Variants in ENOX2 observed in about 807,000 individuals in gnomAD.
ENOX2 encodes APK1 antigen.
In ENOX2, 36 loss-of-function variants were observed where a neutral mutation model predicts 45.0. That is an observed-to-expected ratio of 0.80 (90% CI 0.61 to 1.06). The LOEUF (loss-of-function observed/expected upper bound fraction) is 1.06. Ranked by LOEUF, ENOX2 falls within the 50% of genes least tolerant of loss-of-function variation. The pLI is 0.00. For missense variants in ENOX2, 423 were observed against 462.5 expected (o/e 0.91, Z 0.78); for synonymous variants, 174 against 152.3 (o/e 1.14, Z -1.05).
intron 11 of ENOX2, among the ~76,000 whole-genome samples, chrX:130,635,368 G>C (rs752794440): frequency 1.8e-5 from 2 of 111,948 alleles, no homozygotes; most frequent in African/African-American, 3.2e-5. Context: ...CTGGCCAGGG[G>C]TCAGAGTAGG....
At chrX:130,870,029 T>C (rs918180711) in intron 2 of ENOX2, among the ~76,000 whole-genome samples, 3 of 111,331 alleles carry the variant, frequency 2.7e-5, no homozygotes, top group African/African-American at 9.8e-5. Flanking sequence ...GTTCTTGCTC[T>C]CCCTTCCTAT....
intron 3 of ENOX2, among the ~76,000 whole-genome samples, chrX:130,719,460 GAAAAAA>G (rs1218133442): frequency 5.0e-3 from 299 of 59,827 alleles, no homozygotes; most frequent in Non-Finnish European, 7.4e-3. Flanking sequence ...CTGCTGCTAA[GAAAAAA>G]AAAAAAAAAA....
intron 3 of ENOX2, among the ~76,000 whole-genome samples, chrX:130,773,046 C>T (rs1603345409): frequency 8.9e-6 from 1 of 112,499 alleles, no homozygotes; most frequent in East Asian, 2.8e-4. Flanking sequence ...CTTTACTAGA[C>T]TGTTAGCATC....
At chrX:130,757,160 T>C (rs2148345271) in intron 3 of ENOX2, among the ~76,000 whole-genome samples, 1 of 111,997 alleles carries the variant, frequency 8.9e-6, no homozygotes, top group East Asian at 2.8e-4. Flanking sequence ...TGGCAACATA[T>C]ATTTATCACT....
intron 12 of ENOX2, among the ~76,000 whole-genome samples, chrX:130,633,268 C>T (rs759034761): frequency 5.4e-5 from 6 of 111,681 alleles, no homozygotes; most frequent in Non-Finnish European, 9.4e-5. Context: ...AAAGAGATCC[C>T]TCCTCACCAA....
intron 2 of ENOX2, among the ~76,000 whole-genome samples, chrX:130,832,290 C>T (rs1007961747): frequency 9.0e-6 from 1 of 110,584 alleles, no homozygotes; most frequent in Admixed American, 9.8e-5. Flanking sequence ...GAGCTTACAG[C>T]ACTCCCATCA....
At chrX:130,862,598 G>A (rs1196466605) in intron 2 of ENOX2, among the ~76,000 whole-genome samples, 2 of 110,385 alleles carry the variant, frequency 1.8e-5, no homozygotes, top group East Asian at 2.8e-4. Context: ...GTGTATGTGG[G>A]TGGGTGTGTA....
chrX:130,712,946 A>G (rs2038231500), intron 3 of ENOX2, among the ~76,000 whole-genome samples: 1 of 112,212 alleles, frequency 8.9e-6, no homozygotes, highest in Admixed American at 9.4e-5. Context: ...AGATACTTCC[A>G]CCACTAACAG....
intron 3 of ENOX2, among the ~76,000 whole-genome samples, chrX:130,715,206 A>C (rs958579543): frequency 6.3e-5 from 7 of 111,528 alleles, no homozygotes; most frequent in Non-Finnish European, 1.1e-4. Context: ...CATTAACTAC[A>C]TGGCCATGGT....
At chrX:130,707,507 T>TACACAC (rs10536173) in intron 3 of ENOX2, among the ~76,000 whole-genome samples, 69 of 97,397 alleles carry the variant, frequency 7.1e-4, no homozygotes, top group East Asian at 2.3e-3. Flanking sequence ...TTTTGAAGAC[T>TACACAC]ACACACACAC....
chrX:130,840,713 A>T (rs2148501823), intron 2 of ENOX2, among the ~76,000 whole-genome samples: 1 of 110,287 alleles, frequency 9.1e-6, no homozygotes, highest in East Asian at 2.8e-4. Context: ...AAAAAAATAC[A>T]AAAATTAGTC....
chrX:130,791,771 G>A (rs2077046569), intron 2 of ENOX2, among the ~76,000 whole-genome samples: 1 of 111,276 alleles, frequency 9.0e-6, no homozygotes, highest in African/African-American at 3.3e-5. Context: ...TGAAGCCTGG[G>A]GAGTGATGGT....
intron 3 of ENOX2, among the ~76,000 whole-genome samples, chrX:130,712,169 T>C (rs1012235744): frequency 1.1e-4 from 12 of 111,922 alleles, no homozygotes; most frequent in African/African-American, 3.2e-4. Flanking sequence ...ATAATGATAA[T>C]GATGTTGATT....
chrX:130,797,993 A>G (rs2077161712), intron 2 of ENOX2, among the ~76,000 whole-genome samples: 1 of 111,103 alleles, frequency 9.0e-6, no homozygotes. Flanking sequence ...CTGGCTACAT[A>G]TTAAATTCAA....
intron 2 of ENOX2, among the ~76,000 whole-genome samples, chrX:130,861,090 T>C (rs183725944): frequency 3.0e-4 from 34 of 111,639 alleles, no homozygotes; most frequent in African/African-American, 1.1e-3. Context: ...GGTGACCATT[T>C]ATCAAAACAA....
chrX:130,654,364 C>T (rs1411643654), intron 10 of ENOX2, among the ~76,000 whole-genome samples: 1 of 109,418 alleles, frequency 9.1e-6, no homozygotes, highest in African/African-American at 3.3e-5. Flanking sequence ...GCTGGTTTTA[C>T]TTTCTTCAGG....
intron 2 of ENOX2, among the ~76,000 whole-genome samples, chrX:130,857,062 G>T (rs990635667): frequency 1.8e-5 from 2 of 111,805 alleles, no homozygotes; most frequent in African/African-American, 6.5e-5. Context: ...GCACAAATGT[G>T]TATTAACTGG....
At chrX:130,803,188 A>G (rs1236746383) in intron 2 of ENOX2, among the ~76,000 whole-genome samples, 1 of 112,236 alleles carries the variant, frequency 8.9e-6, no homozygotes, top group Admixed American at 9.4e-5. Context: ...ATCATTTAAT[A>G]TTTAATTCTA....
At chrX:130,860,618 C>G (rs1603372800) in intron 2 of ENOX2, among the ~76,000 whole-genome samples, 1 of 111,551 alleles carries the variant, frequency 9.0e-6, no homozygotes, top group African/African-American at 3.3e-5. Flanking sequence ...CATATCCAAT[C>G]TATTAGCATA....
Sources: gnomAD v4.1 joint callset for allele counts (sites outside exome capture counted in the v4.1 genomes callset) on GRCh38, gnomAD v4.1.1 for gene constraint, MANE v1.5 for transcripts, NCBI Gene and HGNC (gene_info 2026-07-23, HGNC 2026-07-21) for gene names.